Variants in ARHGAP6 observed in about 807,000 individuals in gnomAD.
ARHGAP6 encodes Rho GTPase activating protein 6, also known as rho GTPase-activating protein 6.
A neutral mutation model predicts 55.7 loss-of-function variants in ARHGAP6; 16 were observed. The ratio of observed to expected loss-of-function variants is 0.29; its 90% CI spans 0.19 to 0.44. The LOEUF (loss-of-function observed/expected upper bound fraction) is 0.44, where lower values mean the gene tolerates loss of function less well. ARHGAP6 is among the 20% of genes least tolerant of loss of function. The pLI is 1.00. For missense variants in ARHGAP6, 698 were observed against 808.9 expected (o/e 0.86, Z 1.66); for synonymous variants, 382 against 360.9 (o/e 1.06, Z -0.66).
At chrX:11,661,020 A>G (rs752817849) in intron 1 of ARHGAP6, among the ~76,000 whole-genome samples, 18 of 111,936 alleles carry the variant, frequency 1.6e-4, no homozygotes, top group Non-Finnish European at 2.8e-4. Context: ...GTACCTACAG[A>G]AATGCGTATG....
intron 1 of ARHGAP6, among the ~76,000 whole-genome samples, chrX:11,471,232 A>G (rs1368893611): frequency 8.9e-6 from 1 of 112,204 alleles, no homozygotes; most frequent in African/African-American, 3.2e-5. Context: ...GAATGTAGTA[A>G]TTATAAAGAG....
At chrX:11,505,540 T>C (rs1349233854) in intron 1 of ARHGAP6, among the ~76,000 whole-genome samples, 1 of 111,044 alleles carries the variant, frequency 9.0e-6, no homozygotes, top group African/African-American at 3.3e-5. Flanking sequence ...CCAGAAATCC[T>C]ATTACTGTGT....
At chrX:11,569,137 C>T (rs776913835) in intron 1 of ARHGAP6, among the ~76,000 whole-genome samples, 29 of 111,475 alleles carry the variant, frequency 2.6e-4, no homozygotes, top group African/African-American at 9.5e-4. Context: ...TAAGTGCAGA[C>T]AATCGTGACT....
At chrX:11,186,505 A>G in intron 4 of ARHGAP6, 74 bp from the exon 5 acceptor site, 2 of 765,662 alleles carry the variant, frequency 2.6e-6, no homozygotes, top group Admixed American at 2.7e-5. Flanking sequence ...ATGCTAACCA[A>G]TACATACTTT....
chrX:11,449,911 A>G (rs2050127443), intron 1 of ARHGAP6, among the ~76,000 whole-genome samples: 2 of 111,819 alleles, frequency 1.8e-5, no homozygotes, highest in Admixed American at 9.5e-5. Flanking sequence ...GTGAAGCTCC[A>G]CAATGCTGCT....
intron 1 of ARHGAP6, among the ~76,000 whole-genome samples, chrX:11,442,814 G>T (rs1569345905): frequency 8.9e-6 from 1 of 111,784 alleles, no homozygotes; most frequent in African/African-American, 3.3e-5. Flanking sequence ...TTCCATTTGT[G>T]AATAAGACTA....
intron 1 of ARHGAP6, among the ~76,000 whole-genome samples, chrX:11,428,549 C>G (rs1472307854): frequency 8.9e-6 from 1 of 111,963 alleles, no homozygotes; most frequent in Non-Finnish European, 1.9e-5. Flanking sequence ...AGGCCTGGGG[C>G]CAGAGTAGAG....
At chrX:11,358,433 CTT>C (rs1491476025) in intron 1 of ARHGAP6, among the ~76,000 whole-genome samples, 558 of 28,725 alleles carry the variant, frequency 0.019, 2 homozygotes, top group African/African-American at 0.052. Context: ...TTAACTGTAT[CTT>C]TCTTTCTTTC....
At chrX:11,354,327 C>CTCTCTCTATATATATA (rs1343744315) in intron 1 of ARHGAP6, among the ~76,000 whole-genome samples, 25 of 32,344 alleles carry the variant, frequency 7.7e-4, no homozygotes, top group African/African-American at 1.3e-3. Context: ...CTCTCTCTCT[C>CTCTCTCTATATATATA]TATATATATA....
At chrX:11,325,401 C>T (rs1255399651) in intron 1 of ARHGAP6, among the ~76,000 whole-genome samples, 1 of 112,005 alleles carries the variant, frequency 8.9e-6, no homozygotes, top group Admixed American at 9.4e-5. Context: ...TTCAATAATA[C>T]AGGACAAAAT....
intron 1 of ARHGAP6, among the ~76,000 whole-genome samples, chrX:11,614,746 GCAA>G (rs2052143391): frequency 8.9e-6 from 1 of 111,963 alleles, no homozygotes; most frequent in South Asian, 3.8e-4. Flanking sequence ...TCTCAACTAG[GCAA>G]TATCGCCACC....
chrX:11,221,335 C>CTT, intron 2 of ARHGAP6: 1 of 135,658 alleles, frequency 7.4e-6, no homozygotes, highest in Non-Finnish European at 1.7e-5. Context: ...CCTGATGTAA[C>CTT]TTTTTTTTTA....
At chrX:11,194,373 C>T (rs1256531003) in intron 3 of ARHGAP6, among the ~76,000 whole-genome samples, 1 of 111,644 alleles carries the variant, frequency 9.0e-6, no homozygotes, top group Non-Finnish European at 1.9e-5. Flanking sequence ...AAATTCTTAT[C>T]TAGAAGTTGC....
intron 1 of ARHGAP6, among the ~76,000 whole-genome samples, chrX:11,388,116 G>A (rs997623642): frequency 8.0e-5 from 9 of 111,943 alleles, no homozygotes; most frequent in African/African-American, 2.9e-4. Flanking sequence ...CTAGATCCCT[G>A]AGGAATCAAC....
At chrX:11,288,557 T>C (rs754852783) in intron 1 of ARHGAP6, among the ~76,000 whole-genome samples, 9 of 112,071 alleles carry the variant, frequency 8.0e-5, no homozygotes, top group African/African-American at 1.3e-4. Flanking sequence ...TTGAGTGGCT[T>C]TTAGTATATT....
chrX:11,246,687 A>G (rs770390834), intron 2 of ARHGAP6, among the ~76,000 whole-genome samples: 1 of 111,845 alleles, frequency 8.9e-6, no homozygotes, highest in East Asian at 2.8e-4. Context: ...TCAGCTCCAC[A>G]GTTCACAGAA....
At chrX:11,182,234 T>G in intron 5 of ARHGAP6, 116 bp from the exon 6 acceptor site, 1 of 507,681 alleles carries the variant, frequency 2.0e-6, no homozygotes, top group Admixed American at 3.3e-5. Context: ...CAATAGTAAC[T>G]TGACAGCATA....
At chrX:11,163,576 A>G (rs900358889) in intron 9 of ARHGAP6, among the ~76,000 whole-genome samples, 2 of 112,511 alleles carry the variant, frequency 1.8e-5, no homozygotes, top group Non-Finnish European at 3.7e-5. Flanking sequence ...GGAAATCATG[A>G]TGGCATTTTG....
At chrX:11,521,715 G>T (rs1322802264) in intron 1 of ARHGAP6, among the ~76,000 whole-genome samples, 1 of 111,029 alleles carries the variant, frequency 9.0e-6, no homozygotes. Context: ...GTAGCTTGAT[G>T]GGGATGGCAC....
Sources: allele counts gnomAD v4.1 joint callset (sites outside exome capture counted in the v4.1 genomes callset), GRCh38; gene constraint gnomAD v4.1.1; transcripts MANE v1.5; gene names NCBI Gene and HGNC (gene_info 2026-07-23, HGNC 2026-07-21).